RPS6KA5: variants seen among roughly 807,000 people sequenced by gnomAD.
RPS6KA5 encodes the protein ribosomal protein S6 kinase A5, also known as ribosomal protein S6 kinase alpha-5.
Under a neutral mutation model 85.5 loss-of-function variants are expected in RPS6KA5, and 27 were observed. The observed-to-expected ratio is 0.32, with a 90% CI of 0.23 to 0.44. RPS6KA5 has a LOEUF of 0.44. Among genes scored for constraint, RPS6KA5 ranks in the 20% least tolerant of loss-of-function variants. RPS6KA5 has a pLI of 1.00. For synonymous variants in RPS6KA5, 334 were observed against 348.2 expected, an observed-to-expected ratio of 0.96 and a Z score of 0.46; for missense variants, 811 against 980.9, an observed-to-expected ratio of 0.83 and a Z score of 2.31.
At chr14:90,942,708 A>T (rs1324263160) in intron 5 of RPS6KA5, among the ~76,000 whole-genome samples, 3 of 152,184 alleles carry the variant, frequency 2.0e-5, no homozygotes, top group Non-Finnish European at 4.4e-5. Flanking sequence ...CCACAATGTA[A>T]ACTGTATGTA....
At chr14:91,005,480 G>A (rs763765603) in intron 1 of RPS6KA5, among the ~76,000 whole-genome samples, 1 of 152,122 alleles carries the variant, frequency 6.6e-6, no homozygotes, top group Non-Finnish European at 1.5e-5. Context: ...ACACATATGA[G>A]AGCAAATCAG....
intron 5 of RPS6KA5, among the ~76,000 whole-genome samples, chr14:90,928,979 A>G (rs552183301): frequency 1.3e-5 from 2 of 152,066 alleles, no homozygotes; most frequent in Non-Finnish European, 2.9e-5. Flanking sequence ...TGTATAAAAA[A>G]TACATATCAT....
At chr14:90,944,532 G>A (rs2037765087) in intron 4 of RPS6KA5, among the ~76,000 whole-genome samples, 1 of 152,152 alleles carries the variant, frequency 6.6e-6, no homozygotes, top group Non-Finnish European at 1.5e-5. Flanking sequence ...GAGGTGGGCA[G>A]ATCACCTGAG....
At chr14:91,036,274 G>A (rs1451440119) in intron 1 of RPS6KA5, among the ~76,000 whole-genome samples, 2 of 152,226 alleles carry the variant, frequency 1.3e-5, no homozygotes, top group Non-Finnish European at 2.9e-5. Flanking sequence ...AAGGCCTACT[G>A]ATTTCATCTT....
intron 1 of RPS6KA5, among the ~76,000 whole-genome samples, chr14:91,005,409 T>G (rs1363829692): frequency 2.0e-5 from 3 of 152,230 alleles, no homozygotes; most frequent in South Asian, 2.1e-4. Context: ...TGTTGTTGTT[T>G]TTTGCCCCTG....
At chr14:91,040,870 T>C (rs2042582412) in intron 1 of RPS6KA5, among the ~76,000 whole-genome samples, 1 of 152,102 alleles carries the variant, frequency 6.6e-6, no homozygotes, top group Admixed American at 6.6e-5. Context: ...TTCCACCAGA[T>C]TAGGAACAGG....
intron 5 of RPS6KA5, 131 bp downstream of exon 5, chr14:90,942,947 T>C: frequency 3.0e-6 from 2 of 656,086 alleles, no homozygotes; most frequent in Non-Finnish European, 5.4e-6. Context: ...ATCTCTACAT[T>C]TTCCATGGAC....
At chr14:90,946,855 T>C (rs747191201) in intron 4 of RPS6KA5, among the ~76,000 whole-genome samples, 4 of 152,230 alleles carry the variant, frequency 2.6e-5, no homozygotes, top group Admixed American at 6.5e-5. Context: ...TTTAAACTGA[T>C]TGTTACAGTT....
intron 3 of RPS6KA5, among the ~76,000 whole-genome samples, chr14:90,958,032 C>T (rs1257120787): frequency 6.6e-6 from 1 of 151,960 alleles, no homozygotes; most frequent in South Asian, 2.1e-4. Context: ...TCCAGTTACT[C>T]AGGAGGCTGA....
chr14:90,862,533 T>C lies in RPS6KA5; in HGVS notation c.*9541A>G, dbSNP rs1019553151. ...CCCAGGTGGGAGTACAGTGGTACAA[T>C]CTTGGTTCACTGCAACTTCTGCTTC... On this transcript the variant is annotated 3_prime_UTR_variant, in exon 17 of 17. Coordinates refer to ENST00000614987, the MANE Select transcript of RPS6KA5 (RefSeq NM_004755.4). The C allele has an allele frequency of 6.6e-6, 1 of 152,132 alleles. No homozygotes were observed. The highest frequency in any genetic ancestry group is 1.5e-5 in the Non-Finnish European group (1 of 68,092). The allele number at this position is 152,132 out of a possible 1,614,324, so 9.4% of individuals were successfully genotyped here. A position where few individuals can be genotyped will look rare whatever the true frequency, so the allele number is the denominator to read the frequency against.
At chr14:90,954,536 C>T (rs184038886) in intron 3 of RPS6KA5, among the ~76,000 whole-genome samples, 2 of 152,318 alleles carry the variant, frequency 1.3e-5, no homozygotes, top group African/African-American at 4.8e-5. Flanking sequence ...GCCTCAGCAT[C>T]CCAAGTAGCT....
chr14:91,043,493 T>C (rs966121311), intron 1 of RPS6KA5, among the ~76,000 whole-genome samples: 13 of 152,192 alleles, frequency 8.5e-5, no homozygotes, highest in Non-Finnish European at 1.8e-4. Flanking sequence ...ACTTACTTCT[T>C]GAGTAACCCT....
intron 5 of RPS6KA5, among the ~76,000 whole-genome samples, chr14:90,936,275 T>C (rs572788805): frequency 6.6e-6 from 1 of 152,268 alleles, no homozygotes; most frequent in South Asian, 2.1e-4. Flanking sequence ...TATCCAGAAA[T>C]AATTATATGG....
rs1555362938 is a variant in RPS6KA5, at chr14:90,923,200, G to GAAAA, written c.619-5_619-4insTTTT. 2 of 1,607,926 alleles carry GAAAA rather than the reference G, an allele frequency of 1.2e-6. No individual in the cohort carries two copies. Among genetic ancestry groups the GAAAA allele is most frequent in the Non-Finnish European group, 1.7e-6 (2 of 1,175,304 alleles). On this transcript the variant is annotated splice_region_variant and splice_polypyrimidine_tract_variant and intron_variant, in intron 5 of 16. Coordinates refer to ENST00000614987, the MANE Select transcript of RPS6KA5 (RefSeq NM_004755.4). The stretch of plus-strand genomic sequence containing the variant: ...AAAAGGAATATGCTCTTTCAGTCTT[G>GAAAA]AACAAACAAACAAAAAAGGGATTTG...
At chr14:90,939,586 G>C (rs2037462501) in intron 5 of RPS6KA5, among the ~76,000 whole-genome samples, 1 of 152,196 alleles carries the variant, frequency 6.6e-6, no homozygotes. Context: ...AAGGCAAGAA[G>C]GAGCAAGTCA....
At chr14:91,027,873 A>T (rs1240965262) in intron 1 of RPS6KA5, among the ~76,000 whole-genome samples, 1 of 152,188 alleles carries the variant, frequency 6.6e-6, no homozygotes, top group Non-Finnish European at 1.5e-5. Flanking sequence ...CCTAACCACA[A>T]ATGGGCCTAT....
At chr14:91,029,449 CT>C (rs1348028794) in intron 1 of RPS6KA5, among the ~76,000 whole-genome samples, 1 of 152,128 alleles carries the variant, frequency 6.6e-6, no homozygotes, top group Non-Finnish European at 1.5e-5. Context: ...ACCAAGTATA[CT>C]TTAAAATTTT....
Position 90,871,066 on chromosome 14 carries a change from A to T in RPS6KA5, c.*1008T>A, listed in dbSNP as rs1036982001. ...ATATGACTACAGGAGGAAATTCCTC[A>T]CTGTAGTACAACACAGTGTACAAAT... is the stretch of plus-strand genomic sequence containing the variant. On this transcript the variant is annotated 3_prime_UTR_variant, in exon 17 of 17. Transcript: ENST00000614987. The T allele has an allele frequency of 6.6e-6, 1 of 152,552 alleles. No homozygotes were observed. The highest frequency in any genetic ancestry group is 1.5e-5 in the Non-Finnish European group (1 of 68,008). The allele number at this position is 152,552 out of a possible 1,614,324, so 9.4% of individuals were successfully genotyped here.
At chr14:90,937,085 G>A (rs566042300) in intron 5 of RPS6KA5, among the ~76,000 whole-genome samples, 3 of 152,128 alleles carry the variant, frequency 2.0e-5, no homozygotes, top group Admixed American at 2.0e-4. Flanking sequence ...GAACCCTCAG[G>A]TAGAAGAGGA....
Sources: allele counts gnomAD v4.1 joint callset (sites outside exome capture counted in the v4.1 genomes callset), GRCh38; gene constraint gnomAD v4.1.1; transcripts MANE v1.5; gene names NCBI Gene and HGNC (gene_info 2026-07-23, HGNC 2026-07-21).